Variants in HOOK2 observed in about 807,000 individuals in gnomAD.
HOOK2 encodes hook microtubule tethering protein 2.
Under a neutral mutation model 111.9 loss-of-function variants are expected in HOOK2, and 108 were observed. The ratio of observed to expected loss-of-function variants is 0.96; its 90% confidence interval spans 0.83 to 1.13. The LOEUF is 1.13. Ranked by LOEUF, HOOK2 falls within the 50% of genes most tolerant of loss-of-function variation. The pLI is 0.00. For missense variants in HOOK2, 978 were observed against 951.3 expected (o/e 1.03, Z -0.37); for synonymous variants, 405 against 394.3 (o/e 1.03, Z -0.32).
In HOOK2 at chr19:12,775,390, C is replaced by T; in HGVS notation, c.45+15G>A. ...GCGGGCGCTCACCTTCCCCTAGCCC[C>T]GCCCCACGACCTACCCAGGTGAGCA... On this transcript the variant is annotated intron_variant, in intron 1 of 22. Transcript: ENST00000397668. 1 of 1,611,138 alleles carries T rather than the reference C, an allele frequency of 6.2e-7. No individual in the cohort carries two copies. Among genetic ancestry groups the T allele is most frequent in the Non-Finnish European group, 8.5e-7 (1 of 1,179,024 alleles).
Position 12,763,155 on chromosome 19 carries a change from AG to A in HOOK2, c.*126del. 2 of 453,496 alleles carry A rather than the reference AG, an allele frequency of 4.4e-6. No homozygotes were observed. Among genetic ancestry groups the A allele is most frequent in the Non-Finnish European group, 8.4e-6 (2 of 237,606 alleles). 28.1% of individuals were successfully genotyped at this position (453,496 alleles called of 1,614,324 possible). On this transcript the variant is annotated 3_prime_UTR_variant, in exon 23 of 23. Transcript: ENST00000397668. Reference sequence around the variant, plus strand: ...CGCCCTCCCTCCCCACCAATCTGGGAGAGGGAAGAGCAGAGATCATGGCCTC... The same window carrying A: ...CGCCCTCCCTCCCCACCAATCTGGGAAGGGAAGAGCAGAGATCATGGCCTC...
At chr19:12,775,685 G>T (rs978324357), upstream of HOOK2, 3 of 387,034 alleles carry the variant, frequency 7.8e-6, no homozygotes, top group Non-Finnish European at 1.3e-5. Context: ...TCCGGGCACC[G>T]TTCGGGCGCC....
chr19:12,791,522 G>A lies in HOOK2; in HGVS notation n.42-17297C>T. The A allele has an allele frequency of 2.2e-6, 1 of 450,964 alleles. No individual in the cohort carries two copies. The highest frequency in any genetic ancestry group is 3.9e-6 in the Non-Finnish European group (1 of 255,014). The allele number at this position is 450,964 out of a possible 1,614,324, so 27.9% of individuals were successfully genotyped here. On this transcript the variant is annotated intron_variant and non_coding_transcript_variant, in intron 3 of 3. Coordinates refer to the HOOK2 transcript ENST00000589765. This position sits in a 1 kb window ranked among gnomAD's most constrained non-coding sequence, Gnocchi z 7.0. ...AGCGGCCAGGCCAGCCTCGGAGCCAGCAGGGAGCTGGGAGCTGGGGGAAAC... is the reference window on the plus strand; with the variant it reads ...AGCGGCCAGGCCAGCCTCGGAGCCAACAGGGAGCTGGGAGCTGGGGGAAAC...
intron 3 of HOOK2, 93 bp downstream of exon 3, chr19:12,774,576 C>A: frequency 8.5e-7 from 1 of 1,182,406 alleles, no homozygotes; most frequent in East Asian, 2.3e-5. Flanking sequence ...ATCTGTCCCT[C>A]TTCCTGCCCA....
chr19:12,780,697 G>C (rs1238454487), upstream of HOOK2, among the ~76,000 whole-genome samples: 1 of 113,636 alleles, frequency 8.8e-6, no homozygotes, highest in African/African-American at 3.4e-5. Context: ...ACAGAGTCTC[G>C]GCCGGGCACG....
intron 18 of HOOK2, chr19:12,765,302 C>T (rs562525573): frequency 3.8e-5 from 23 of 605,446 alleles, no homozygotes; most frequent in South Asian, 3.7e-4. Context: ...TGCCCCGGAA[C>T]AGCCCCTGCT....
upstream of HOOK2, among the ~76,000 whole-genome samples, chr19:12,775,783 TG>T (rs1209125455): frequency 6.6e-6 from 1 of 151,304 alleles, no homozygotes; most frequent in Non-Finnish European, 1.5e-5. Flanking sequence ...CTTTTTGGGG[TG>T]GGAGGTCCTC....
At chr19:12,773,328 C>T (rs891529467) in intron 3 of HOOK2, 24 of 389,248 alleles carry the variant, frequency 6.2e-5, no homozygotes, top group African/African-American at 2.1e-5. Flanking sequence ...TGGCTCACTG[C>T]AGCCTCGACC....
At chr19:12,765,857 T>C (rs748698457) in intron 16 of HOOK2, 23 bp from the exon 17 acceptor site, 1 of 1,610,456 alleles carries the variant, frequency 6.2e-7, no homozygotes. Context: ...TCGGGCAGCA[T>C]GGGAGAGAGA....
upstream of HOOK2, among the ~76,000 whole-genome samples, chr19:12,781,508 A>G (rs962337989): frequency 2.0e-5 from 3 of 151,490 alleles, no homozygotes; most frequent in Non-Finnish European, 2.9e-5. Flanking sequence ...TTGTATTTTT[A>G]GTAGAGACGG....
chr19:12,765,872 G>C (rs1306279145), intron 16 of HOOK2, 38 bp from the exon 17 acceptor site: 1 of 1,611,252 alleles, frequency 6.2e-7, no homozygotes, highest in South Asian at 1.1e-5. Flanking sequence ...GAGAGAGGAG[G>C]GTTACTTCGG....
chr19:12,772,610 C>G lies in HOOK2; in HGVS notation c.456+3G>C, dbSNP rs747640339. On this transcript the variant is annotated splice_donor_region_variant and intron_variant, in intron 6 of 22. Transcript: ENST00000397668. Reference sequence around the variant, plus strand: ...CAATTGCACACTGAGTGCCCCCACCCACCTCTTGGATGGCTTCCATCACCA... The same window carrying G: ...CAATTGCACACTGAGTGCCCCCACCGACCTCTTGGATGGCTTCCATCACCA... 6.2e-7 allele frequency: 1 copy of G among 1,613,842 alleles called. No homozygotes were observed. The highest frequency in any genetic ancestry group is 1.7e-5 in the Admixed American group (1 of 59,990).
Position 12,768,035 on chromosome 19 carries a change from T to A in HOOK2, c.1193A>T (p.Glu398Val). ...FECRNLEEKY[E>V]SVTKEKERLL... ...CACCTCCTTCTCCTTTGTCACCGAC[T>A]CATACTTTTCCTCCAGGTTGCGGCA... The change falls in exon 12 of 23, where the codon GAG becomes GTG. Residue 398 changes from glutamate to valine, a missense_variant. Physicochemically the swap from Glu to Val is moderately radical, Grantham distance 121 (BLOSUM62 -2). Coordinates refer to ENST00000397668, the MANE Select transcript of HOOK2 (RefSeq NM_013312.3). 6.2e-7 allele frequency: 1 copy of A among 1,614,222 alleles called. No homozygotes were observed. The highest frequency in any genetic ancestry group is 8.5e-7 in the Non-Finnish European group (1 of 1,180,026).
At chr19:12,776,134 C>G (rs1047980721), upstream of HOOK2, among the ~76,000 whole-genome samples, 3 of 150,516 alleles carry the variant, frequency 2.0e-5, no homozygotes, top group African/African-American at 7.3e-5. Flanking sequence ...GCCTCGGCCT[C>G]CCAAAGTGCT....
chr19:12,763,827 CT>C lies in HOOK2; in HGVS notation c.1828-50del, dbSNP rs1968069049. 5 of 1,207,320 alleles carry C rather than the reference CT, an allele frequency of 4.1e-6. No individual in the cohort carries two copies. In the African/African-American group the frequency reaches 4.5e-5, roughly 11 times the overall value. The allele number at this position is 1,207,320 out of a possible 1,614,324, so 74.8% of individuals were successfully genotyped here. A position where few individuals can be genotyped will look rare whatever the true frequency, so the allele number is the denominator to read the frequency against. On this transcript the variant is annotated intron_variant, in intron 20 of 22. Transcript: ENST00000397668. ...CAGGTGACTTTGGCCTTGAAACCCC[CT>C]GGGACATACTGGGGTGTGTGTATTC...
rs951135319 is a variant in HOOK2, at chr19:12,789,178, A to C, written n.42-14953T>G. 2.0e-5 allele frequency among the ~76,000 whole-genome samples: 3 copies of C among 149,528 alleles called. 1 individual carries two copies. Among genetic ancestry groups the C allele is most frequent in the Admixed American group, 6.6e-5 (1 of 15,202 alleles). On this transcript the variant is annotated intron_variant and non_coding_transcript_variant, in intron 3 of 3. Coordinates refer to the HOOK2 transcript ENST00000589765. Reference sequence around the variant, plus strand: ...GAAGACAGAGGCCTGGGAAGCTGAGAGAGAGAGAGAGAGACAAAGAGAGAG... The same window carrying C: ...GAAGACAGAGGCCTGGGAAGCTGAGCGAGAGAGAGAGAGACAAAGAGAGAG...
Position 12,766,025 on chromosome 19 carries a change from G to A in HOOK2, c.1512-11C>T, listed in dbSNP as rs1168617551. The A allele has an allele frequency of 6.2e-7, 1 of 1,612,038 alleles. No individual in the cohort carries two copies. The highest frequency in any genetic ancestry group is 8.5e-7 in the Non-Finnish European group (1 of 1,179,718). On this transcript the variant is annotated splice_polypyrimidine_tract_variant and intron_variant, in intron 15 of 22. Coordinates refer to ENST00000397668, the MANE Select transcript of HOOK2 (RefSeq NM_013312.3). Reference sequence around the variant, plus strand: ...TGCTGCTGGTTCAGCCTGCGAGGGTGGGGGGCCGCTTAGTGCCTGTGCCCA... The same window carrying A: ...TGCTGCTGGTTCAGCCTGCGAGGGTAGGGGGCCGCTTAGTGCCTGTGCCCA...
At chr19:12,771,100 AGG>A in intron 9 of HOOK2, 28 bp from the exon 10 acceptor site, 1 of 1,611,574 alleles carries the variant, frequency 6.2e-7, no homozygotes, top group African/African-American at 1.3e-5. Flanking sequence ...AGAGCACATG[AGG>A]GGGCTGCCCT....
chr19:12,789,987 C>G (rs1599522185), intron 3 of HOOK2, among the ~76,000 whole-genome samples: 3 of 152,172 alleles, frequency 2.0e-5, no homozygotes, highest in Non-Finnish European at 4.4e-5. Context: ...GGGGCCGGCC[C>G]GCGCTCAGTC....
Sources: gnomAD v4.1 joint callset for allele counts (sites outside exome capture counted in the v4.1 genomes callset) on GRCh38, gnomAD v4.1.1 for gene constraint, Gnocchi (gnomAD v3.1) non-coding constraint, MANE v1.5 for transcripts, NCBI Gene and HGNC (gene_info 2026-07-23, HGNC 2026-07-21) for gene names.